The following CIMAP1D variants were observed in gnomAD, a reference collection of about 807,000 sequenced individuals.
CIMAP1D encodes protein CIMAP1D.
At chr19:467,266 G>A in the CIMAP1D span, among the ~76,000 whole-genome samples, 1 of 151,838 alleles carries the variant, frequency 6.6e-6, no homozygotes, top group Admixed American at 6.6e-5. Context: ...GATAGATGGT[G>A]GGTGAGTGGG....
At chr19:471,414 C>T in the CIMAP1D span, among the ~76,000 whole-genome samples, 1 of 151,422 alleles carries the variant, frequency 6.6e-6, no homozygotes, top group South Asian at 2.1e-4. Context: ...TCCCAAAGTG[C>T]TGGGATTACA....
the CIMAP1D span, chr19:464,045 G>A: frequency 1.3e-6 from 2 of 1,595,188 alleles, no homozygotes; most frequent in East Asian, 4.5e-5. Context: ...GCCCCAGCAT[G>A]GTGAAGGCAG....
chr19:487,570 C>A, the CIMAP1D span, among the ~76,000 whole-genome samples: 1 of 151,796 alleles, frequency 6.6e-6, no homozygotes, highest in Admixed American at 6.6e-5. Context: ...TTTGGAAGGC[C>A]GAGGCGGGAG....
At chr19:474,696 C>T in the CIMAP1D span, 1 of 1,570,598 alleles carries the variant, frequency 6.4e-7, no homozygotes, top group Non-Finnish European at 8.6e-7. Context: ...ACTCGCCGGC[C>T]AAGGGGGGCT....
chr19:464,469 C>T, the CIMAP1D span: 1 of 717,938 alleles, frequency 1.4e-6, no homozygotes, highest in Non-Finnish European at 2.4e-6. Flanking sequence ...CAACGCTTCT[C>T]AAGCAGCCTG....
chr19:471,197 G>A, the CIMAP1D span, among the ~76,000 whole-genome samples: 1 of 152,186 alleles, frequency 6.6e-6, no homozygotes, highest in Non-Finnish European at 1.5e-5. Flanking sequence ...CGCCCAGGCT[G>A]GAGTGCAATG....
chr19:484,442 C>T, the CIMAP1D span, among the ~76,000 whole-genome samples: 1 of 152,118 alleles, frequency 6.6e-6, no homozygotes, highest in Non-Finnish European at 1.5e-5. Flanking sequence ...CGCCTGGCCT[C>T]TTGTTTTATT....
the CIMAP1D span, among the ~76,000 whole-genome samples, chr19:482,490 G>A: frequency 6.6e-6 from 1 of 152,194 alleles, no homozygotes; most frequent in African/African-American, 2.4e-5. Context: ...GAACTACAAC[G>A]CTGTTCCTCC....
At chr19:490,478 T>C in the CIMAP1D span, 1 of 152,698 alleles carries the variant, frequency 6.5e-6, no homozygotes, top group Non-Finnish European at 1.5e-5. Flanking sequence ...GTACACTCTT[T>C]GTTCACGCTG....
chr19:480,416 G>A, the CIMAP1D span, among the ~76,000 whole-genome samples: 1 of 152,158 alleles, frequency 6.6e-6, no homozygotes, highest in African/African-American at 2.4e-5. Flanking sequence ...CACATGCTGG[G>A]AAGGATGATG....
At chr19:468,332 C>T in the CIMAP1D span, among the ~76,000 whole-genome samples, 1 of 152,028 alleles carries the variant, frequency 6.6e-6, no homozygotes, top group Admixed American at 6.6e-5. Flanking sequence ...CGCCACTGCA[C>T]TCCAGCCTGG....
the CIMAP1D span, among the ~76,000 whole-genome samples, chr19:482,460 G>A: frequency 5.3e-5 from 8 of 152,196 alleles, no homozygotes; most frequent in African/African-American, 1.9e-4. Flanking sequence ...CAGGAGTGCT[G>A]ATGACATCTA....
At chr19:465,976 T>C in the CIMAP1D span, among the ~76,000 whole-genome samples, 1 of 141,246 alleles carries the variant, frequency 7.1e-6, no homozygotes, top group African/African-American at 2.8e-5. Flanking sequence ...GATGAGTGGA[T>C]TGATGGATGG....
the CIMAP1D span, chr19:463,874 C>G: frequency 6.2e-7 from 1 of 1,610,414 alleles, no homozygotes; most frequent in Non-Finnish European, 8.5e-7. Context: ...GCCTGTGCCC[C>G]GCAGGCCGGG....
the CIMAP1D span, chr19:472,412 C>T: frequency 5.2e-6 from 8 of 1,540,056 alleles, no homozygotes; most frequent in Non-Finnish European, 6.1e-6. Context: ...GGCCTCCGGA[C>T]GAGCGAGTAG....
the CIMAP1D span, among the ~76,000 whole-genome samples, chr19:487,191 T>C: frequency 6.6e-6 from 1 of 152,182 alleles, no homozygotes; most frequent in Admixed American, 6.6e-5. Context: ...TGCCAGCTCC[T>C]GAGCCCACTG....
chr19:475,143 G>T, the CIMAP1D span, among the ~76,000 whole-genome samples: 366 of 152,292 alleles, frequency 2.4e-3, no homozygotes, highest in African/African-American at 8.5e-3. Context: ...GCCTGGCGGG[G>T]TCGTGGGTGG....
the CIMAP1D span, among the ~76,000 whole-genome samples, chr19:475,600 G>A: frequency 3.3e-5 from 5 of 152,190 alleles, no homozygotes; most frequent in East Asian, 9.7e-4. Flanking sequence ...GGAGGTGAGA[G>A]CCGTCCTCAC....
At chr19:474,863 AC>A in the CIMAP1D span, 1 of 874,962 alleles carries the variant, frequency 1.1e-6, no homozygotes, top group South Asian at 2.5e-5. Flanking sequence ...GCCTCACCAC[AC>A]CCTCCCACGA....
Sources: allele counts gnomAD v4.1 joint callset (sites outside exome capture counted in the v4.1 genomes callset), GRCh38; gene constraint gnomAD v4.1.1; transcripts MANE v1.5; gene names NCBI Gene and HGNC (gene_info 2026-07-23, HGNC 2026-07-21).